Variants in NLK observed in about 807,000 individuals in gnomAD.
NLK encodes serine/threonine-protein kinase NLK.
In NLK, 11 loss-of-function variants were observed where a neutral mutation model predicts 59.0. The ratio of observed to expected loss-of-function variants is 0.19; its 90% CI spans 0.12 to 0.31. The LOEUF (loss-of-function observed/expected upper bound fraction) is 0.31, where lower values mean the gene tolerates loss of function less well. Among genes scored for constraint, NLK ranks in the 10% least tolerant of loss-of-function variants. The probability of loss-of-function intolerance (pLI) is 1.00; values close to 1 mark genes in which losing one functional copy is unlikely to be tolerated. For synonymous variants in NLK, 235 were observed against 235.9 expected (o/e 1.00, Z 0.03); for missense variants, 410 against 661.1 (o/e 0.62, Z 4.16).
rs982931515 is a variant in NLK, at chr17:28,064,836, G to T, written c.458+21505G>T. ...CAGCTTTCTCTTCTATAACATAGGG[G>T]TTATAATGGTACCTATCTTAGGTTC... On this transcript the variant is annotated intron_variant, in intron 1 of 10. Coordinates refer to ENST00000407008, the MANE Select transcript of NLK (RefSeq NM_016231.5). 2.6e-5 allele frequency among the ~76,000 whole-genome samples: 4 copies of T among 152,306 alleles called. No homozygotes were observed. The East Asian group carries it at 5.8e-4, about 22-fold the overall frequency.
At chr17:28,152,839 G>A (rs1351316375) in intron 3 of NLK, among the ~76,000 whole-genome samples, 2 of 152,134 alleles carry the variant, frequency 1.3e-5, no homozygotes, top group Admixed American at 1.3e-4. Context: ...GCCCAGGCAG[G>A]TCTTGAACTG....
At chr17:28,101,154 G>A (rs887417763) in intron 1 of NLK, among the ~76,000 whole-genome samples, 1 of 152,126 alleles carries the variant, frequency 6.6e-6, no homozygotes, top group Admixed American at 6.5e-5. Flanking sequence ...CTATCATTAT[G>A]CCAGTACCAC....
chr17:28,162,450 T>C (rs1256450592), intron 4 of NLK, among the ~76,000 whole-genome samples: 1 of 152,012 alleles, frequency 6.6e-6, no homozygotes, highest in African/African-American at 2.4e-5. Flanking sequence ...CTGGCCAACA[T>C]GGCAAAACTC....
At chr17:28,138,945 G>A (rs2142027295) in intron 3 of NLK, among the ~76,000 whole-genome samples, 1 of 152,248 alleles carries the variant, frequency 6.6e-6, no homozygotes, top group South Asian at 2.1e-4. Context: ...AATAGTATAG[G>A]TTGGAAAGTA....
chr17:28,104,623 C>T (rs1355274748), intron 1 of NLK, among the ~76,000 whole-genome samples: 3 of 151,976 alleles, frequency 2.0e-5, no homozygotes, highest in Admixed American at 6.5e-5. Flanking sequence ...AAGCACACAA[C>T]GTTTTTTGCC....
chr17:28,080,048 C>G (rs2142765213), intron 1 of NLK, among the ~76,000 whole-genome samples: 1 of 152,174 alleles, frequency 6.6e-6, no homozygotes, highest in Middle Eastern at 3.4e-3. Context: ...TCTAGTTTCC[C>G]CAATATTATT....
At chr17:28,061,761 C>CATATACAT (rs1455578430) in intron 1 of NLK, among the ~76,000 whole-genome samples, 7 of 143,748 alleles carry the variant, frequency 4.9e-5, no homozygotes, top group Non-Finnish European at 1.0e-4. Flanking sequence ...CATATATACA[C>CATATACAT]ATATACATAT....
intron 1 of NLK, among the ~76,000 whole-genome samples, chr17:28,077,080 T>TC (rs1190030340): frequency 3.6e-5 from 5 of 139,244 alleles, no homozygotes; most frequent in Admixed American, 3.1e-4. Context: ...TTTCTTTTTT[T>TC]TTTTTTTTTT....
At chr17:28,127,516 T>C (rs748288290) in intron 2 of NLK, among the ~76,000 whole-genome samples, 1 of 152,168 alleles carries the variant, frequency 6.6e-6, no homozygotes, top group Non-Finnish European at 1.5e-5. Context: ...TAGAGGTAGG[T>C]TACTTTTCAA....
intron 1 of NLK, among the ~76,000 whole-genome samples, chr17:28,045,956 C>G (rs936710653): frequency 5.9e-5 from 9 of 152,126 alleles, no homozygotes; most frequent in Non-Finnish European, 7.4e-5. Flanking sequence ...AACTAACTAC[C>G]GGGGTATTAT....
intron 1 of NLK, among the ~76,000 whole-genome samples, chr17:28,092,626 T>G (rs1904536093): frequency 6.6e-6 from 1 of 152,146 alleles, no homozygotes; most frequent in African/African-American, 2.4e-5. Context: ...CAGAGTTAAG[T>G]TAGTAAAGCC....
intron 1 of NLK, among the ~76,000 whole-genome samples, chr17:28,047,482 T>G (rs191417352): frequency 2.0e-4 from 31 of 152,334 alleles, no homozygotes; most frequent in African/African-American, 7.2e-4. Flanking sequence ...TTTGTAGGTG[T>G]TTTAGTCAGA....
chr17:28,193,510 C>T (rs1395188708), intron 10 of NLK, among the ~76,000 whole-genome samples: 8 of 152,194 alleles, frequency 5.3e-5, no homozygotes, highest in Non-Finnish European at 8.8e-5. Context: ...TGCAAATGCC[C>T]TTCCAGCACC....
chr17:28,064,049 T>C (rs1909750736), intron 1 of NLK, among the ~76,000 whole-genome samples: 1 of 152,138 alleles, frequency 6.6e-6, no homozygotes, highest in Non-Finnish European at 1.5e-5. Context: ...CTTTTAGTGA[T>C]AATTTTTCAG....
intron 1 of NLK, among the ~76,000 whole-genome samples, chr17:28,089,172 T>G (rs1393390476): frequency 6.6e-6 from 1 of 152,188 alleles, no homozygotes; most frequent in Non-Finnish European, 1.5e-5. Context: ...ATTGCCTCAG[T>G]CAAGATTCTG....
chr17:28,103,762 C>T (rs1228360047), intron 1 of NLK, among the ~76,000 whole-genome samples: 5 of 152,104 alleles, frequency 3.3e-5, no homozygotes, highest in African/African-American at 1.2e-4. Flanking sequence ...AGATAGTGCC[C>T]AGTTAGGTTA....
chr17:28,111,896 GGTGTGTGTGTGT>G (rs747211468), intron 1 of NLK, among the ~76,000 whole-genome samples: 6 of 67,484 alleles, frequency 8.9e-5, no homozygotes, highest in African/African-American at 1.8e-4. Context: ...GTGTGTGTGT[GGTGTGTGTGTGT>G]GTGTGTGTGT....
At chr17:28,199,453 G>A (rs1909565573), downstream of NLK, among the ~76,000 whole-genome samples, 1 of 151,930 alleles carries the variant, frequency 6.6e-6, no homozygotes. Context: ...ATCACCTGAG[G>A]TCAAGAGTTC....
chr17:28,151,199 C>CT, intron 3 of NLK, among the ~76,000 whole-genome samples: 1 of 152,240 alleles, frequency 6.6e-6, no homozygotes, highest in East Asian at 1.9e-4. Context: ...ATTTAAGCTG[C>CT]TTTAGTTGGC....
Sources: allele counts gnomAD v4.1 joint callset (sites outside exome capture counted in the v4.1 genomes callset), GRCh38; gene constraint gnomAD v4.1.1; transcripts MANE v1.5; gene names NCBI Gene and HGNC (gene_info 2026-07-23, HGNC 2026-07-21).